The following GAP43 variants were observed in gnomAD, a reference collection of about 807,000 sequenced individuals.
GAP43 encodes neuromodulin.
A neutral mutation model predicts 18.6 loss-of-function variants in GAP43; 6 were observed. The observed-to-expected ratio is 0.32, with a 90% CI of 0.18 to 0.64. The LOEUF is 0.64. Among genes scored for constraint, GAP43 ranks in the 30% least tolerant of loss-of-function variants. GAP43 has a pLI of 0.78. For synonymous variants in GAP43, 115 were observed against 111.4 expected (o/e 1.03, Z -0.20); for missense variants, 292 against 295.5 (o/e 0.99, Z 0.09).
At chr3:115,677,619 G>A (rs1304569349) in intron 2 of GAP43, among the ~76,000 whole-genome samples, 1 of 152,094 alleles carries the variant, frequency 6.6e-6, no homozygotes, top group Non-Finnish European at 1.5e-5. Context: ...ATACTTTCCA[G>A]CCCCAAAGAT....
intron 1 of GAP43, among the ~76,000 whole-genome samples, chr3:115,674,265 C>T (rs1007807155): frequency 1.3e-5 from 2 of 152,190 alleles, no homozygotes; most frequent in Non-Finnish European, 1.5e-5. Context: ...TCTGCTAGAA[C>T]AGTGTTCACA....
At chr3:115,683,147 G>GCGCGCGCACACACACA (rs1252333447) in intron 2 of GAP43, among the ~76,000 whole-genome samples, 2 of 127,394 alleles carry the variant, frequency 1.6e-5, no homozygotes, top group African/African-American at 3.0e-5. Flanking sequence ...GCGCGCGCGC[G>GCGCGCGCACACACACA]CACACACACA....
Position 115,676,387 on chromosome 3 carries a change from C to A in GAP43, c.405C>A (p.Ala135=), listed in dbSNP as rs1195300918. 1.2e-6 allele frequency: 2 copies of A among 1,613,818 alleles called. No individual in the cohort carries two copies. Among genetic ancestry groups the A allele is most frequent in the Non-Finnish European group, 1.7e-6 (2 of 1,179,882 alleles). Residue 135 remains alanine (A), a synonymous_variant, in exon 2 of 3, where the codon GCC becomes GCA. Coordinates refer to ENST00000305124, the MANE Select transcript of GAP43 (RefSeq NM_002045.4). The part of the protein sequence containing the change: ...PQAPASSEEK[A]GSAETESATK... ...CTCCTGCATCCTCAGAGGAGAAGGC[C>A]GGCTCAGCTGAGACAGAAAGTGCCA...
chr3:115,626,219 C>T (rs17760034), intron 1 of GAP43, among the ~76,000 whole-genome samples: 6 of 152,134 alleles, frequency 3.9e-5, no homozygotes, highest in Admixed American at 2.0e-4. Context: ...TATTCATCAT[C>T]GTAGTACTTA....
chr3:115,680,773 A>G (rs896302194), intron 2 of GAP43, among the ~76,000 whole-genome samples: 2 of 152,198 alleles, frequency 1.3e-5, no homozygotes, highest in South Asian at 4.1e-4. Flanking sequence ...AATTTCTAGA[A>G]TGATAATTGT....
At chr3:115,714,873 G>GCACACACACACA (rs111292409) in intron 2 of GAP43, among the ~76,000 whole-genome samples, 24 of 150,490 alleles carry the variant, frequency 1.6e-4, no homozygotes, top group African/African-American at 5.6e-4. Context: ...GTGTGCGCGT[G>GCACACACACACA]CACACACACA....
intron 2 of GAP43, among the ~76,000 whole-genome samples, chr3:115,683,122 T>TGTGCGCGCGC (rs1420020633): frequency 4.4e-5 from 2 of 45,234 alleles, no homozygotes; most frequent in African/African-American, 9.7e-5. Context: ...TCTACATACA[T>TGTGCGCGCGC]GTGCGCGCGC....
At chr3:115,625,449 A>T (rs1055748271) in intron 1 of GAP43, among the ~76,000 whole-genome samples, 33 of 152,122 alleles carry the variant, frequency 2.2e-4, no homozygotes, top group African/African-American at 6.3e-4. Context: ...GGTTAAGAAC[A>T]CTGTCAAAGA....
chr3:115,682,621 C>T (rs1708971667), intron 2 of GAP43, among the ~76,000 whole-genome samples: 1 of 152,204 alleles, frequency 6.6e-6, no homozygotes, highest in African/African-American at 2.4e-5. Flanking sequence ...ACTGTAACCT[C>T]TGACTCCTGG....
Position 115,644,467 on chromosome 3 carries a change from G to C in GAP43, c.30+20748G>C, listed in dbSNP as rs1005765201. On this transcript the variant is annotated intron_variant, in intron 1 of 2. Coordinates refer to ENST00000305124, the MANE Select transcript of GAP43 (RefSeq NM_002045.4). This position sits in a 1 kb window ranked among gnomAD's most constrained non-coding sequence, Gnocchi z 4.2. ...AGCATTCTAAGCACTGAATAAGACA[G>C]AGCATCCATTCCACACCCTATTTCC... Among the ~76,000 whole-genome samples the C allele has an allele frequency of 3.9e-5, 6 of 152,004 alleles. No individual in the cohort carries two copies. Among genetic ancestry groups the C allele is most frequent in the African/African-American group, 1.4e-4 (6 of 41,418 alleles).
intron 2 of GAP43, among the ~76,000 whole-genome samples, chr3:115,689,119 C>A (rs1421410489): frequency 6.6e-6 from 1 of 152,218 alleles, no homozygotes; most frequent in East Asian, 1.9e-4. Flanking sequence ...GCACTCAGGT[C>A]TCCATTTGAA....
chr3:115,664,296 G>C (rs1708704677), intron 1 of GAP43, among the ~76,000 whole-genome samples: 1 of 151,382 alleles, frequency 6.6e-6, no homozygotes, highest in Non-Finnish European at 1.5e-5. Flanking sequence ...ATTTTTTTAA[G>C]TGTGCATATC....
intron 1 of GAP43, among the ~76,000 whole-genome samples, chr3:115,626,077 G>A (rs1410220561): frequency 6.6e-6 from 1 of 152,166 alleles, no homozygotes; most frequent in South Asian, 2.1e-4. Context: ...TATTCAGGGC[G>A]TGGGCTCACA....
chr3:115,628,125 G>A (rs1472440693), intron 1 of GAP43, among the ~76,000 whole-genome samples: 1 of 151,832 alleles, frequency 6.6e-6, no homozygotes, highest in Non-Finnish European at 1.5e-5. Flanking sequence ...TTGTCTTAGA[G>A]GCCCCAGTTT....
intron 1 of GAP43, among the ~76,000 whole-genome samples, chr3:115,660,617 C>T (rs1456715612): frequency 6.6e-6 from 1 of 152,196 alleles, no homozygotes. Context: ...TGAAACTTTT[C>T]ATTTAAAGAG....
chr3:115,634,745 GGGTGACA>G (rs1708307765), intron 1 of GAP43, among the ~76,000 whole-genome samples: 1 of 151,954 alleles, frequency 6.6e-6, no homozygotes, highest in African/African-American at 2.4e-5. Flanking sequence ...ACTCCAGCCT[GGGTGACA>G]GAGCGAGACT....
At chr3:115,679,389 A>C (rs937460656) in intron 2 of GAP43, among the ~76,000 whole-genome samples, 2 of 152,000 alleles carry the variant, frequency 1.3e-5, no homozygotes, top group Non-Finnish European at 1.5e-5. Flanking sequence ...TTGTATTTTG[A>C]TCTTTGAAGT....
At position 115,643,514 on chromosome 3, in the gene GAP43, A is replaced by G. The variant is rs146854251; in HGVS notation, c.30+19795A>G. On this transcript the variant is annotated intron_variant, in intron 1 of 2. Coordinates refer to ENST00000305124, the MANE Select transcript of GAP43 (RefSeq NM_002045.4). ...CAGAAATCAGGAGCAAGCTGCTAAT[A>G]TTTTTCACCTGGATTATTGCAATAG... Among the ~76,000 whole-genome samples the G allele has an allele frequency of 3.9e-3, 590 of 152,048 alleles. 3 individuals are homozygous for G. The highest frequency in any genetic ancestry group is 0.013 in the African/African-American group (557 of 41,488).
rs1381407546 is a variant in GAP43, at chr3:115,639,627, C to G, written c.30+15908C>G. 4.6e-5 allele frequency among the ~76,000 whole-genome samples: 7 copies of G among 152,170 alleles called. No homozygotes were observed. The South Asian group carries it at 1.2e-3, about 27-fold the overall frequency. ...GTTGTTGCTATTTTTTCTTGTCCCCCTTTATTATGGGGGAAGTATCCATCT... is the reference window on the plus strand; with the variant it reads ...GTTGTTGCTATTTTTTCTTGTCCCCGTTTATTATGGGGGAAGTATCCATCT... On this transcript the variant is annotated intron_variant, in intron 1 of 2. Transcript: ENST00000305124.
Sources: allele counts gnomAD v4.1 joint callset (sites outside exome capture counted in the v4.1 genomes callset), GRCh38; gene constraint gnomAD v4.1.1; non-coding constraint Gnocchi (gnomAD v3.1); transcripts MANE v1.5; gene names NCBI Gene and HGNC (gene_info 2026-07-23, HGNC 2026-07-21).